CEP120: variants seen among roughly 807,000 people sequenced by gnomAD.
CEP120 encodes centrosomal protein of 120 kDa.
A neutral mutation model predicts 126.5 loss-of-function variants in CEP120; 113 were observed. That is an observed-to-expected ratio of 0.89 (90% CI 0.77 to 1.04). The LOEUF is 1.04. Among genes scored for constraint, CEP120 ranks in the 50% least tolerant of loss-of-function variants. The pLI is 0.00. For missense variants in CEP120, 1,230 were observed against 1,155.7 expected, an observed-to-expected ratio of 1.06 and a Z score of -0.93; for synonymous variants, 400 against 394.3, an observed-to-expected ratio of 1.01 and a Z score of -0.17.
chr5:123,401,827 C>A (rs1442412381), intron 4 of CEP120: 7 of 1,449,952 alleles, frequency 4.8e-6, no homozygotes, highest in Non-Finnish European at 6.7e-6. Flanking sequence ...TTGAAGTCCT[C>A]CACCAGCCCC....
At chr5:123,364,126 T>C (rs1770284082) in intron 18 of CEP120, among the ~76,000 whole-genome samples, 1 of 151,552 alleles carries the variant, frequency 6.6e-6, no homozygotes, top group South Asian at 2.1e-4. Flanking sequence ...ATTTAAAATA[T>C]ATTCTTAAAC....
chr5:123,396,653 C>CAT (rs1772811544), intron 5 of CEP120, among the ~76,000 whole-genome samples: 1 of 152,172 alleles, frequency 6.6e-6, no homozygotes, highest in South Asian at 2.1e-4. Context: ...ATCACGACTA[C>CAT]ATAAAATCAA....
rs559346633 is a variant in CEP120, at chr5:123,353,175, A to C, written c.2581-3086T>G. Among the ~76,000 whole-genome samples, 53 of 152,110 alleles carry C rather than the reference A, an allele frequency of 3.5e-4. No individual in the cohort carries two copies. The East Asian group carries it at 9.5e-3, about 27-fold the overall frequency. ...TTGAAAAGAAACGGTAATAGAGGGA[A>C]GGTTTCTCTCATTTCTGATCTCAGA... On this transcript the variant is annotated intron_variant, in intron 18 of 19. Transcript: ENST00000306467.
Position 123,382,902 on chromosome 5 carries a change from C to G in CEP120, c.1861-13G>C. 1 of 1,610,304 alleles carries G rather than the reference C, an allele frequency of 6.2e-7. No homozygotes were observed. On this transcript the variant is annotated splice_polypyrimidine_tract_variant and intron_variant, in intron 12 of 19. Coordinates refer to ENST00000306467, the MANE Select transcript of CEP120 (RefSeq NM_001375405.1). Reference sequence around the variant, plus strand: ...CGGCAGATACACCCTAAGAGATGAACCAAAAAGTACATTTAAACACTCACA... The same window carrying G: ...CGGCAGATACACCCTAAGAGATGAAGCAAAAAGTACATTTAAACACTCACA...
intron 18 of CEP120, among the ~76,000 whole-genome samples, chr5:123,353,326 T>C (rs954714420): frequency 3.3e-5 from 5 of 151,718 alleles, no homozygotes; most frequent in Admixed American, 1.3e-4. Context: ...GCTATTGATA[T>C]GATTTTTTTC....
rs1361863979 is a variant in CEP120, at chr5:123,399,396, T to C, written c.464-112A>G. ...TGCTTGGTAATTTTCATGAATACAG[T>C]TAATATCTAATAAGGTTTCCTTTAC... is the stretch of plus-strand genomic sequence containing the variant. On this transcript the variant is annotated intron_variant, in intron 4 of 19. Transcript: ENST00000306467. 7.4e-6 allele frequency: 7 copies of C among 947,816 alleles called. No individual in the cohort carries two copies. In the African/African-American group the frequency reaches 1.2e-4, roughly 16 times the overall value. 58.7% of individuals were successfully genotyped at this position (947,816 alleles called of 1,614,324 possible). A position where few individuals can be genotyped will look rare whatever the true frequency, so the allele number is the denominator to read the frequency against.
chr5:123,353,979 T>G (rs1033523820), intron 18 of CEP120, among the ~76,000 whole-genome samples: 2 of 152,080 alleles, frequency 1.3e-5, no homozygotes, highest in Admixed American at 6.6e-5. Context: ...TTTACTTTCT[T>G]CTTGTTCTAC....
intron 16 of CEP120, among the ~76,000 whole-genome samples, chr5:123,377,030 G>A (rs1175677629): frequency 6.6e-6 from 1 of 151,848 alleles, no homozygotes; most frequent in East Asian, 1.9e-4. Flanking sequence ...TATGAGGAGA[G>A]GAAATAGGAA....
At position 123,390,002 on chromosome 5, in the gene CEP120, G is replaced by A. The variant is rs779223993; in HGVS notation, c.1177C>T (p.Pro393Ser). 5.6e-6 allele frequency: 9 copies of A among 1,614,100 alleles called. No homozygotes were observed. The highest frequency in any genetic ancestry group is 6.8e-6 in the Non-Finnish European group (8 of 1,179,984). The change falls in exon 8 of 20, where the codon CCT becomes TCT. Residue 393 changes from proline to serine, a missense_variant. Physicochemically the swap from Pro to Ser is moderately conservative, Grantham distance 74. Transcript: ENST00000306467. The stretch of plus-strand genomic sequence containing the variant: ...TCTGTTGCATCATCTTTTGTTGGAG[G>A]TGACTGGTTGTGAGATGGAACAGGG... ...VSPVPSHNQS[P>S]PTKDDATESE...
chr5:123,417,824 T>C (rs1774477775), intron 2 of CEP120, among the ~76,000 whole-genome samples: 1 of 152,190 alleles, frequency 6.6e-6, no homozygotes, highest in African/African-American at 2.4e-5. Context: ...TAAAACAAGT[T>C]ACTAATACTT....
chr5:123,352,441 A>G (rs1480435537), intron 18 of CEP120, among the ~76,000 whole-genome samples: 2 of 152,132 alleles, frequency 1.3e-5, no homozygotes, highest in African/African-American at 4.8e-5. Flanking sequence ...CTGACCTAGC[A>G]ACATTTATTG....
intron 17 of CEP120, among the ~76,000 whole-genome samples, chr5:123,371,699 A>T (rs1056204710): frequency 6.6e-6 from 1 of 152,092 alleles, no homozygotes; most frequent in Non-Finnish European, 1.5e-5. Context: ...TGCCAGCGAA[A>T]ATAAAGGAAG....
chr5:123,388,559 T>C lies in CEP120; in HGVS notation c.1303A>G (p.Asn435Asp). ...ASLAQLVTTSNASEVASGQKI... is the reference protein window; with the variant it reads ...ASLAQLVTTSDASEVASGQKI... ...TGTCCTGAAGCTACTTCTGAAGCAT[T>C]GGATGTAGTCACTAGCTGGGCCAGT... Residue 435 changes from asparagine (N) to aspartate (D), a missense_variant, in exon 9 of 20, where the codon AAT becomes GAT. Physicochemically the swap from Asn to Asp is conservative, Grantham distance 23 (BLOSUM62 1). Coordinates refer to ENST00000306467, the MANE Select transcript of CEP120 (RefSeq NM_001375405.1). 6.2e-7 allele frequency: 1 copy of C among 1,608,076 alleles called. No individual in the cohort carries two copies. Among genetic ancestry groups the C allele is most frequent in the South Asian group, 1.1e-5 (1 of 89,664 alleles).
At chr5:123,410,666 C>A (rs144689014) in intron 4 of CEP120, among the ~76,000 whole-genome samples, 1 of 152,180 alleles carries the variant, frequency 6.6e-6, no homozygotes, top group Non-Finnish European at 1.5e-5. Context: ...GACCTTACAA[C>A]CTTTCCAAAA....
At chr5:123,386,253 C>A (rs769211151) in intron 10 of CEP120, among the ~76,000 whole-genome samples, 43 of 152,068 alleles carry the variant, frequency 2.8e-4, no homozygotes, top group Non-Finnish European at 4.9e-4. Flanking sequence ...CCCCTCATTA[C>A]ATATAGTTTG....
At position 123,388,617 on chromosome 5, in the gene CEP120, CATAAA is replaced by C. The variant is rs780534608; in HGVS notation, c.1256-16_1256-12del. On this transcript the variant is annotated splice_polypyrimidine_tract_variant and intron_variant, in intron 8 of 19. Coordinates refer to ENST00000306467, the MANE Select transcript of CEP120 (RefSeq NM_001375405.1). Reference sequence around the variant, plus strand: ...GTACAGAAGAACTGGCTGAAATGAACATAAAATAAAACAAAATAATCACACTTGCT... The same window carrying C: ...GTACAGAAGAACTGGCTGAAATGAACATAAAACAAAATAATCACACTTGCT... The C allele has an allele frequency of 6.5e-7, 1 of 1,547,644 alleles. No individual in the cohort carries two copies. The highest frequency in any genetic ancestry group is 8.7e-7 in the Non-Finnish European group (1 of 1,150,452).
chr5:123,362,142 C>A (rs1441762725), intron 18 of CEP120, among the ~76,000 whole-genome samples: 3 of 151,774 alleles, frequency 2.0e-5, no homozygotes, highest in African/African-American at 7.2e-5. Flanking sequence ...TATTATACTA[C>A]ATGCACTTAA....
rs1430034172 is a variant in CEP120 at position 123,345,274 on chromosome 5, G to C, written c.*1245C>G. On this transcript the variant is annotated 3_prime_UTR_variant, in exon 20 of 20. Coordinates refer to ENST00000306467, the MANE Select transcript of CEP120 (RefSeq NM_001375405.1). ...TACTAGATTAATACTCTGTTAATAAGGAAAAAATATATAATAAATATAGGG... is the reference window on the plus strand; with the variant it reads ...TACTAGATTAATACTCTGTTAATAACGAAAAAATATATAATAAATATAGGG... 1 of 151,532 alleles carries C rather than the reference G, an allele frequency of 6.6e-6. No individual in the cohort carries two copies. Among genetic ancestry groups the C allele is most frequent in the Admixed American group, 6.6e-5 (1 of 15,216 alleles). The allele number at this position is 151,532 out of a possible 1,614,324, so 9.4% of individuals were successfully genotyped here.
intron 18 of CEP120, among the ~76,000 whole-genome samples, chr5:123,364,012 A>G (rs955728691): frequency 2.0e-5 from 3 of 151,606 alleles, no homozygotes; most frequent in Non-Finnish European, 4.4e-5. Flanking sequence ...AAAAAATATA[A>G]TAATTCAGAA....
Sources: allele counts gnomAD v4.1 joint callset (sites outside exome capture counted in the v4.1 genomes callset), GRCh38; gene constraint gnomAD v4.1.1; transcripts MANE v1.5; gene names NCBI Gene and HGNC (gene_info 2026-07-23, HGNC 2026-07-21).